GTF2IRD1: variants seen among roughly 807,000 people sequenced by gnomAD.
The protein encoded by GTF2IRD1 is GTF2I repeat domain containing 1.
Under a neutral mutation model 113.2 loss-of-function variants are expected in GTF2IRD1, and 26 were observed. The observed-to-expected ratio is 0.23, with a 90% CI of 0.17 to 0.32. GTF2IRD1 has a LOEUF of 0.32. GTF2IRD1 is among the 10% of genes least tolerant of loss of function. The probability of loss-of-function intolerance (pLI) is 1.00; values close to 1 mark genes in which losing one functional copy is unlikely to be tolerated. For synonymous variants in GTF2IRD1, 484 were observed against 529.1 expected, an observed-to-expected ratio of 0.91 and a Z score of 1.17; for missense variants, 864 against 1,280.8, an observed-to-expected ratio of 0.67 and a Z score of 4.97.
chr7:74,454,505 CG>C (rs1230363817), intron 1 of GTF2IRD1, among the ~76,000 whole-genome samples: 1 of 152,054 alleles, frequency 6.6e-6, no homozygotes, highest in East Asian at 1.9e-4. Flanking sequence ...CTGCAGTTGG[CG>C]AATGAGGTCA....
At chr7:74,492,376 T>G (rs559693331) in intron 1 of GTF2IRD1, among the ~76,000 whole-genome samples, 3 of 151,896 alleles carry the variant, frequency 2.0e-5, no homozygotes, top group African/African-American at 7.3e-5. Flanking sequence ...TTCACCATGT[T>G]AGCCAGGATG....
rs577163444 is a variant in GTF2IRD1 at position 74,461,990 on chromosome 7, C to T, written c.-7+7814C>T. ...CAACCCCCGTCAAGACATAGAACAG[C>T]GCTTTGGGAGGCTGAGGCGGGAGGA... On this transcript the variant is annotated intron_variant, in intron 1 of 26. Coordinates refer to ENST00000424337, the MANE Select transcript of GTF2IRD1 (RefSeq NM_005685.4). 7.2e-5 allele frequency among the ~76,000 whole-genome samples: 11 copies of T among 152,320 alleles called. No homozygotes were observed. The South Asian group carries it at 1.0e-3, about 14-fold the overall frequency.
intron 13 of GTF2IRD1, 130 bp downstream of exon 13, chr7:74,538,890 G>C: frequency 3.2e-6 from 2 of 626,266 alleles, no homozygotes; most frequent in South Asian, 1.9e-5. Context: ...GAGCCATCGG[G>C]GTACTGTGAA....
At chr7:74,535,079 A>G (rs782335274) in intron 9 of GTF2IRD1, 34 bp from the exon 10 acceptor site, 1 of 1,605,700 alleles carries the variant, frequency 6.2e-7, no homozygotes, top group Non-Finnish European at 8.5e-7. Context: ...TCCAGCCTGC[A>G]CTGTTCTCAT....
Position 74,544,778 on chromosome 7 carries a change from CGGCCCGAGGAGA to C in GTF2IRD1, c.1649_1660del (p.Glu550_Pro553del), listed in dbSNP as rs782482405. 1 of 1,613,940 alleles carries C rather than the reference CGGCCCGAGGAGA, an allele frequency of 6.2e-7. No individual in the cohort carries two copies. Among genetic ancestry groups the C allele is most frequent in the East Asian group, 2.2e-5 (1 of 44,868 alleles). On this transcript the variant is annotated inframe_deletion, in exon 15 of 27. Coordinates refer to ENST00000424337, the MANE Select transcript of GTF2IRD1 (RefSeq NM_005685.4). ...AGACAAAGGTCTGAGTGAGGACGCG[CGGCCCGAGGAGA>C]GGCCCGTGGAGGGTGAGGCCCTGTC...
At chr7:74,560,066 C>A (rs1436525956) in intron 22 of GTF2IRD1, among the ~76,000 whole-genome samples, 1 of 152,244 alleles carries the variant, frequency 6.6e-6, no homozygotes, top group African/African-American at 2.4e-5. Flanking sequence ...CAGGCGTGAG[C>A]CACTGCGCCC....
chr7:74,465,024 G>A (rs1554330473), intron 1 of GTF2IRD1, among the ~76,000 whole-genome samples: 15 of 152,314 alleles, frequency 9.8e-5, no homozygotes. Context: ...TGGCTCCAGG[G>A]TGGTCCTGGC....
In GTF2IRD1 at chr7:74,517,013, G is replaced by GT. The variant is rs1554344738; in HGVS notation, c.422-1124dup. 5.1e-3 allele frequency among the ~76,000 whole-genome samples: 711 copies of GT among 139,656 alleles called. 1 individual carries two copies. The highest frequency in any genetic ancestry group is 7.5e-3 in the Non-Finnish European group (480 of 64,004). The allele number at this position is 139,656 out of a possible 152,430, so 91.6% of individuals were successfully genotyped here. On this transcript the variant is annotated intron_variant, in intron 4 of 26. Coordinates refer to ENST00000424337, the MANE Select transcript of GTF2IRD1 (RefSeq NM_005685.4). ...CCTCTCTCCTGTCTTTGTTGTTGTT[G>GT]TTGTTGTTGTTGTTGTTGTTGTTGT... is the stretch of plus-strand genomic sequence containing the variant.
chr7:74,535,091 C>A, intron 9 of GTF2IRD1, 22 bp from the exon 10 acceptor site: 1 of 1,609,956 alleles, frequency 6.2e-7, no homozygotes, highest in Non-Finnish European at 8.5e-7. Flanking sequence ...TGTTCTCATG[C>A]CTGTCTCTCT....
intron 1 of GTF2IRD1, among the ~76,000 whole-genome samples, chr7:74,457,635 G>A (rs1793072793): frequency 6.6e-6 from 1 of 152,076 alleles, no homozygotes; most frequent in East Asian, 1.9e-4. Flanking sequence ...GCTCCCCAAT[G>A]TCATCCTCTC....
At chr7:74,574,338 C>G (rs1462170220) in intron 22 of GTF2IRD1, among the ~76,000 whole-genome samples, 2 of 150,840 alleles carry the variant, frequency 1.3e-5, no homozygotes, top group Admixed American at 1.3e-4. Context: ...AGGACAGCAT[C>G]TTGCTTCATT....
intron 1 of GTF2IRD1, among the ~76,000 whole-genome samples, chr7:74,490,542 A>AC (rs66883639): frequency 0.1 from 12,882 of 129,332 alleles, 643 homozygotes; most frequent in African/African-American, 0.14. Flanking sequence ...GAGAAAGGAT[A>AC]CCCCCCCCCC....
intron 26 of GTF2IRD1, 166 bp from the exon 27 acceptor site, chr7:74,602,199 A>G: frequency 1.4e-6 from 1 of 691,364 alleles, no homozygotes. Context: ...CCGAGATTGC[A>G]TCACTGCACT....
At chr7:74,463,883 C>T (rs1445851991) in intron 1 of GTF2IRD1, among the ~76,000 whole-genome samples, 5 of 152,200 alleles carry the variant, frequency 3.3e-5, no homozygotes, top group South Asian at 4.1e-4. Context: ...GCCACCACAC[C>T]CGACTAATTT....
intron 4 of GTF2IRD1, among the ~76,000 whole-genome samples, chr7:74,517,838 C>T (rs1302329713): frequency 6.6e-6 from 1 of 152,208 alleles, no homozygotes; most frequent in Non-Finnish European, 1.5e-5. Context: ...CTTGAGTCCC[C>T]GATTTCCCCT....
At chr7:74,518,820 T>G (rs745584605) in intron 5 of GTF2IRD1, among the ~76,000 whole-genome samples, 43 of 152,116 alleles carry the variant, frequency 2.8e-4, no homozygotes, top group Middle Eastern at 3.4e-3. Context: ...CCCAGGAGTT[T>G]GAGGATGCAG....
intron 22 of GTF2IRD1, among the ~76,000 whole-genome samples, chr7:74,584,588 T>C (rs1801610310): frequency 6.6e-6 from 1 of 152,190 alleles, no homozygotes; most frequent in South Asian, 2.1e-4. Flanking sequence ...AGCAATGATT[T>C]CTATTCTTAT....
intron 25 of GTF2IRD1, 97 bp from the exon 26 acceptor site, chr7:74,600,947 C>G: frequency 5.8e-6 from 8 of 1,369,610 alleles, no homozygotes; most frequent in Non-Finnish European, 8.2e-6. Context: ...AAGGGGGACT[C>G]GAAACCTTAA....
At position 74,545,804 on chromosome 7, in the gene GTF2IRD1, G is replaced by A. The variant is rs189364984; in HGVS notation, c.1727G>A (p.Arg576Gln). The part of the protein sequence containing the change: ...RKQVELLFNT[R>Q]YAKAIGISEP... ...CAGGTGGAGCTGCTCTTCAACACAC[G>A]ATACGGTGAGCAAGAAGTGGGACAG... Residue 576 changes from arginine (R) to glutamine (Q), a missense_variant, in exon 16 of 27, where the codon CGA becomes CAA. By Grantham distance (43) the Arg-to-Gln change is conservative. Around this residue, in one of 7 missense-constraint regions of GTF2IRD1, gnomAD observed 218 missense variants for 352.6 expected, o/e 0.62. Transcript: ENST00000424337. 21 of 1,611,636 alleles carry A rather than the reference G, an allele frequency of 1.3e-5. No homozygotes were observed. Among genetic ancestry groups the A allele is most frequent in the African/African-American group, 2.7e-5 (2 of 75,014 alleles).
Sources: allele counts gnomAD v4.1 joint callset (sites outside exome capture counted in the v4.1 genomes callset), GRCh38; gene constraint gnomAD v4.1.1; regional missense constraint gnomAD v4.1.1; transcripts MANE v1.5; gene names NCBI Gene and HGNC (gene_info 2026-07-23, HGNC 2026-07-21).